The following MPP7 variants were observed in gnomAD, a reference collection of about 807,000 sequenced individuals.
The protein encoded by MPP7 is MAGUK p55 subfamily member 7.
In MPP7, 60 loss-of-function variants were observed where a neutral mutation model predicts 76.5. The observed-to-expected ratio is 0.78, with a 90% CI of 0.64 to 0.97. The LOEUF (loss-of-function observed/expected upper bound fraction) is 0.97, where lower values mean the gene tolerates loss of function less well. MPP7 is among the 50% of genes least tolerant of loss of function. The probability of loss-of-function intolerance (pLI) is 0.00; values close to 1 mark genes in which losing one functional copy is unlikely to be tolerated. For missense variants in MPP7, 641 were observed against 694.0 expected, an observed-to-expected ratio of 0.92 and a Z score of 0.86; for synonymous variants, 237 against 244.5, an observed-to-expected ratio of 0.97 and a Z score of 0.29.
chr10:28,136,993 T>C (rs1172268650), intron 5 of MPP7, among the ~76,000 whole-genome samples: 1 of 152,100 alleles, frequency 6.6e-6, no homozygotes, highest in East Asian at 1.9e-4. Context: ...AACCCACATG[T>C]TCAAGAAGCT....
chr10:28,137,945 C>T (rs1835398647), intron 5 of MPP7, among the ~76,000 whole-genome samples: 1 of 152,186 alleles, frequency 6.6e-6, no homozygotes, highest in Admixed American at 6.5e-5. Flanking sequence ...AAGTGTCTAG[C>T]TTATAAGGAT....
At chr10:28,259,081 G>GT (rs978615554) in intron 1 of MPP7, among the ~76,000 whole-genome samples, 10 of 151,286 alleles carry the variant, frequency 6.6e-5, no homozygotes, top group South Asian at 2.1e-4. Flanking sequence ...CCTCCACCAG[G>GT]TTTTTTTTTA....
At chr10:28,331,379 A>G (rs1443130065) in intron 1 of MPP7, among the ~76,000 whole-genome samples, 1 of 152,158 alleles carries the variant, frequency 6.6e-6, no homozygotes, top group Non-Finnish European at 1.5e-5. Context: ...AACTATTTTA[A>G]GTAATTATAA....
chr10:28,305,083 T>C (rs1841244534), upstream of MPP7, among the ~76,000 whole-genome samples: 3 of 152,046 alleles, frequency 2.0e-5, no homozygotes, highest in Admixed American at 6.6e-5. Flanking sequence ...TAAGGAGAAA[T>C]GATCTAAGAG....
chr10:28,312,064 T>G (rs1235713598), intron 2 of MPP7, among the ~76,000 whole-genome samples: 1 of 152,180 alleles, frequency 6.6e-6, no homozygotes, highest in Non-Finnish European at 1.5e-5. Context: ...CTCTTAAAGA[T>G]GGCACGGACA....
chr10:28,091,630 G>GA (rs1853309845), intron 11 of MPP7, among the ~76,000 whole-genome samples: 2 of 151,936 alleles, frequency 1.3e-5, no homozygotes, highest in African/African-American at 2.4e-5. Flanking sequence ...GTAACAAAAT[G>GA]AAAAAAATGT....
intron 2 of MPP7, among the ~76,000 whole-genome samples, chr10:28,232,447 T>C (rs1169484554): frequency 2.6e-5 from 4 of 151,368 alleles, no homozygotes; most frequent in African/African-American, 7.3e-5. Flanking sequence ...TTAAAGAAAA[T>C]AGTACACATG....
chr10:28,245,427 TTTCCC>T (rs1410986518), intron 1 of MPP7, among the ~76,000 whole-genome samples: 1 of 152,140 alleles, frequency 6.6e-6, no homozygotes, highest in Non-Finnish European at 1.5e-5. Context: ...ATCCGCTGTC[TTTCCC>T]TTCCAAGTCA....
rs367786003 is a variant in MPP7, at chr10:28,228,171, T to C, written c.37+10397A>G. On this transcript the variant is annotated intron_variant, in intron 2 of 16. Coordinates refer to ENST00000683449, the MANE Select transcript of MPP7 (RefSeq NM_001318170.2). ...GACCTTGCTTTTCCACAAGGAAATA[T>C]ATGAATTACCAAGAAGAAAAAAATG... Among the ~76,000 whole-genome samples the C allele has an allele frequency of 7.2e-4, 109 of 152,322 alleles. 3 individuals are homozygous for C. The South Asian group carries it at 0.022, about 30-fold the overall frequency.
chr10:28,059,840 A>G (rs1033310920), intron 13 of MPP7, 97 bp from the exon 14 acceptor site: 99 of 808,056 alleles, frequency 1.2e-4, no homozygotes, highest in Non-Finnish European at 1.9e-4. Flanking sequence ...AGTTTTTTCA[A>G]CAGGATTTAA....
chr10:28,161,007 C>G (rs189405476), intron 3 of MPP7, among the ~76,000 whole-genome samples: 100 of 152,310 alleles, frequency 6.6e-4, no homozygotes, highest in Non-Finnish European at 1.1e-3. Context: ...TTCTGCCTTT[C>G]ATGCTTTTCA....
intron 1 of MPP7, among the ~76,000 whole-genome samples, chr10:28,250,244 T>C (rs10826434): frequency 0.2 from 30,452 of 152,088 alleles, 3,530 homozygotes; most frequent in East Asian, 0.54. Context: ...CTGTAATTTA[T>C]GCAAAAATAC....
chr10:28,179,190 T>C (rs1836978234), intron 3 of MPP7, among the ~76,000 whole-genome samples: 1 of 152,148 alleles, frequency 6.6e-6, no homozygotes, highest in Admixed American at 6.5e-5. Flanking sequence ...CTCACACTGG[T>C]TAATTCTTCA....
At chr10:28,078,857 A>G (rs1415963501) in intron 12 of MPP7, among the ~76,000 whole-genome samples, 1 of 152,234 alleles carries the variant, frequency 6.6e-6, no homozygotes, top group East Asian at 1.9e-4. Flanking sequence ...ATTTTAACCA[A>G]AGTTACGTAG....
chr10:28,242,814 C>T (rs1185033638), intron 1 of MPP7, among the ~76,000 whole-genome samples: 3 of 151,974 alleles, frequency 2.0e-5, no homozygotes, highest in Non-Finnish European at 4.4e-5. Context: ...GCCAAGGATG[C>T]TCATTCAGAG....
chr10:28,242,622 A>G (rs1421823817), intron 1 of MPP7, among the ~76,000 whole-genome samples: 1 of 152,228 alleles, frequency 6.6e-6, no homozygotes, highest in East Asian at 1.9e-4. Flanking sequence ...GGGTCCATGA[A>G]GTCAAACTAT....
At chr10:28,307,842 C>T (rs1208757780), upstream of MPP7, among the ~76,000 whole-genome samples, 1 of 152,120 alleles carries the variant, frequency 6.6e-6, no homozygotes, top group African/African-American at 2.4e-5. Context: ...ATTCAGGTTG[C>T]AAAAAGAAGG....
At chr10:28,075,686 G>A (rs767672813) in intron 12 of MPP7, among the ~76,000 whole-genome samples, 22 of 151,936 alleles carry the variant, frequency 1.4e-4, no homozygotes, top group Admixed American at 4.6e-4. Context: ...ACTAATTCTC[G>A]CTTGTTGTTT....
chr10:28,097,923 G>A (rs1213950287), intron 11 of MPP7, among the ~76,000 whole-genome samples: 3 of 152,106 alleles, frequency 2.0e-5, no homozygotes, highest in African/African-American at 7.2e-5. Context: ...CTTTTTGCAA[G>A]TATTCCAGTC....
Sources: allele counts gnomAD v4.1 joint callset (sites outside exome capture counted in the v4.1 genomes callset), GRCh38; gene constraint gnomAD v4.1.1; transcripts MANE v1.5; gene names NCBI Gene and HGNC (gene_info 2026-07-23, HGNC 2026-07-21).